TNR: variants seen among roughly 807,000 people sequenced by gnomAD.
The protein encoded by TNR is tenascin-R.
A neutral mutation model predicts 150.4 loss-of-function variants in TNR; 45 were observed. That is an observed-to-expected ratio of 0.30 (90% CI 0.24 to 0.38). TNR has a LOEUF of 0.38. TNR is among the 10% of genes least tolerant of loss of function. TNR has a pLI of 1.00. For missense variants in TNR, 1,544 were observed against 1,759.1 expected (o/e 0.88, Z 2.19); for synonymous variants, 687 against 678.4 (o/e 1.01, Z -0.20).
At chr1:175,705,315 C>T (rs1277403043) in intron 1 of TNR, among the ~76,000 whole-genome samples, 1 of 151,988 alleles carries the variant, frequency 6.6e-6, no homozygotes, top group African/African-American at 2.4e-5. Flanking sequence ...AAAATGTATG[C>T]TGAATTGAAT....
At chr1:175,399,563 CACT>C in intron 4 of TNR, among the ~76,000 whole-genome samples, 1 of 152,334 alleles carries the variant, frequency 6.6e-6, no homozygotes, top group South Asian at 2.1e-4. Context: ...AGACCACCAC[CACT>C]TTCACTCTAA....
intron 1 of TNR, among the ~76,000 whole-genome samples, chr1:175,622,541 G>A (rs562309997): frequency 2.6e-5 from 4 of 152,062 alleles, no homozygotes; most frequent in African/African-American, 7.2e-5. Flanking sequence ...CGATATCCAC[G>A]TGCCACTCAC....
chr1:175,355,681 C>T, intron 16 of TNR, 48 bp from the exon 17 acceptor site: 1 of 1,608,020 alleles, frequency 6.2e-7, no homozygotes, highest in Non-Finnish European at 8.5e-7. Context: ...TCCAGCTCCT[C>T]CCCCTGCTTG....
chr1:175,584,361 A>G (rs916305816), intron 1 of TNR, among the ~76,000 whole-genome samples: 3 of 152,358 alleles, frequency 2.0e-5, no homozygotes, highest in South Asian at 2.1e-4. Context: ...GAGAAACACC[A>G]GAAACCAGAA....
At chr1:175,325,481 C>T (rs556973826) in intron 21 of TNR, among the ~76,000 whole-genome samples, 7 of 152,314 alleles carry the variant, frequency 4.6e-5, no homozygotes, top group African/African-American at 1.7e-4. Flanking sequence ...GGATCTAGAA[C>T]TAGAAATACC....
At chr1:175,461,072 G>A (rs183161749) in intron 2 of TNR, among the ~76,000 whole-genome samples, 1 of 152,336 alleles carries the variant, frequency 6.6e-6, no homozygotes, top group Admixed American at 6.5e-5. Flanking sequence ...CAGCTTGTTT[G>A]CCTCTGCTTC....
intron 1 of TNR, among the ~76,000 whole-genome samples, chr1:175,558,964 T>C (rs1004178919): frequency 1.3e-5 from 2 of 152,212 alleles, no homozygotes; most frequent in African/African-American, 4.8e-5. Context: ...TTATAACATA[T>C]GTGCCACTCT....
chr1:175,685,112 C>T (rs557800177), intron 1 of TNR, among the ~76,000 whole-genome samples: 2 of 152,162 alleles, frequency 1.3e-5, no homozygotes, highest in African/African-American at 4.8e-5. Context: ...TAGCCCTTCT[C>T]CCTGGAATTC....
chr1:175,333,182 T>G (rs752104463), intron 20 of TNR: 13 of 152,230 alleles, frequency 8.5e-5, no homozygotes, highest in Non-Finnish European at 1.3e-4. Flanking sequence ...TGCATTTATT[T>G]TTGAGGTTTT....
intron 1 of TNR, among the ~76,000 whole-genome samples, chr1:175,610,157 A>G (rs146823282): frequency 6.2e-4 from 94 of 152,238 alleles, no homozygotes; most frequent in Non-Finnish European, 1.0e-3. Context: ...ACTGTAAGGA[A>G]TAAATGAATA....
At chr1:175,375,177 G>T (rs928007315) in intron 9 of TNR, among the ~76,000 whole-genome samples, 11 of 142,756 alleles carry the variant, frequency 7.7e-5, no homozygotes, top group African/African-American at 2.9e-4. Context: ...ATGATTTGTT[G>T]TTTTTTTTTT....
At chr1:175,451,138 C>T (rs1656290120) in intron 2 of TNR, among the ~76,000 whole-genome samples, 1 of 151,924 alleles carries the variant, frequency 6.6e-6, no homozygotes, top group Admixed American at 6.5e-5. Context: ...GGCCCAATTG[C>T]CTGCCTTTGC....
At chr1:175,406,919 G>T in intron 2 of TNR, 142 bp from the exon 3 acceptor site, 1 of 629,788 alleles carries the variant, frequency 1.6e-6, no homozygotes, top group Non-Finnish European at 2.7e-6. Flanking sequence ...GGCTGCCAAT[G>T]TCATAAAGGC....
chr1:175,386,157 C>T lies in TNR; in HGVS notation c.1652G>A (p.Arg551Gln), dbSNP rs559194241. 76 of 1,612,964 alleles carry T rather than the reference C, an allele frequency of 4.7e-5. No individual in the cohort carries two copies. In the East Asian group the frequency reaches 1.3e-3, roughly 27 times the overall value. ...VGGEGGRTTFRLQPPLSQYSV... is the reference protein window; with the variant it reads ...VGGEGGRTTFQLQPPLSQYSV... Reference sequence around the variant, plus strand: ...GTATTGGCTCAGGGGAGGCTGCAGCCGGAAGGTGGTCCTCCCACCTTCCCC... The same window carrying T: ...GTATTGGCTCAGGGGAGGCTGCAGCTGGAAGGTGGTCCTCCCACCTTCCCC... Residue 551 changes from arginine to glutamine, a missense_variant, in exon 8 of 23, where the codon CGG (arginine) becomes CAG (glutamine). By Grantham distance (43) the Arg-to-Gln change is conservative. Transcript: ENST00000367674.
intron 1 of TNR, among the ~76,000 whole-genome samples, chr1:175,549,270 T>C (rs1294794494): frequency 6.6e-6 from 1 of 152,224 alleles, no homozygotes; most frequent in East Asian, 1.9e-4. Flanking sequence ...CACTCACACA[T>C]GAAATGTTCA....
intron 1 of TNR, among the ~76,000 whole-genome samples, chr1:175,648,067 C>T (rs1477251458): frequency 6.6e-6 from 1 of 151,988 alleles, no homozygotes; most frequent in Non-Finnish European, 1.5e-5. Flanking sequence ...CCACACCCTC[C>T]ACCCATCAGA....
intron 1 of TNR, among the ~76,000 whole-genome samples, chr1:175,690,190 T>A (rs755900970): frequency 1.3e-4 from 20 of 152,216 alleles, no homozygotes; most frequent in Non-Finnish European, 2.2e-4. Flanking sequence ...TATAACTCAA[T>A]AAACATAATA....
intron 2 of TNR, among the ~76,000 whole-genome samples, chr1:175,509,296 T>C (rs1571540348): frequency 6.6e-6 from 1 of 152,246 alleles, no homozygotes; most frequent in East Asian, 1.9e-4. Context: ...GTGAAGTTAC[T>C]TAAGCTGAAC....
At chr1:175,359,139 CTTTTTTTT>C (rs758610631) in intron 15 of TNR, among the ~76,000 whole-genome samples, 10 of 42,138 alleles carry the variant, frequency 2.4e-4, no homozygotes, top group East Asian at 1.7e-3. Context: ...GGGATATCTT[CTTTTTTTT>C]TTTTTTTTTT....
Sources: gnomAD v4.1 joint callset for allele counts (sites outside exome capture counted in the v4.1 genomes callset) on GRCh38, gnomAD v4.1.1 for gene constraint, MANE v1.5 for transcripts, NCBI Gene and HGNC (gene_info 2026-07-23, HGNC 2026-07-21) for gene names.